The following DLG2 variants were observed in gnomAD, a reference collection of about 807,000 sequenced individuals.
DLG2 encodes discs large MAGUK scaffold protein 2.
A neutral mutation model predicts 132.5 loss-of-function variants in DLG2; 45 were observed. The observed-to-expected ratio is 0.34, with a 90% CI of 0.27 to 0.44. The LOEUF is 0.44. Ranked by LOEUF, DLG2 falls within the 20% of genes least tolerant of loss-of-function variation. The pLI, the probability that DLG2 is intolerant of heterozygous loss-of-function variation, is 1.00. For synonymous variants in DLG2, 424 were observed against 419.6 expected, an observed-to-expected ratio of 1.01 and a Z score of -0.13; for missense variants, 1,045 against 1,196.9, an observed-to-expected ratio of 0.87 and a Z score of 1.87.
At chr11:84,178,220 G>A (rs1047017931) in intron 8 of DLG2, among the ~76,000 whole-genome samples, 3 of 152,104 alleles carry the variant, frequency 2.0e-5, no homozygotes, top group Non-Finnish European at 4.4e-5. Flanking sequence ...CATAGTTTTT[G>A]AAAACAATAG....
At chr11:85,162,205 G>A (rs990942159) in intron 4 of DLG2, among the ~76,000 whole-genome samples, 2 of 152,198 alleles carry the variant, frequency 1.3e-5, no homozygotes, top group Non-Finnish European at 2.9e-5. Context: ...ACAACGGGAA[G>A]TAAGGAAGTG....
intron 3 of DLG2, among the ~76,000 whole-genome samples, chr11:85,458,584 G>A (rs145575879): frequency 6.6e-6 from 1 of 152,330 alleles, no homozygotes; most frequent in Non-Finnish European, 1.5e-5. Flanking sequence ...TGTAGTTTCA[G>A]TACAGTTAGT....
At chr11:85,449,942 A>C (rs2092171530) in intron 3 of DLG2, among the ~76,000 whole-genome samples, 1 of 152,106 alleles carries the variant, frequency 6.6e-6, no homozygotes, top group Non-Finnish European at 1.5e-5. Flanking sequence ...AGCCTGACCA[A>C]CATGGAGAAA....
chr11:84,883,251 T>C (rs771800817), intron 6 of DLG2, among the ~76,000 whole-genome samples: 4 of 150,974 alleles, frequency 2.6e-5, no homozygotes, highest in African/African-American at 7.3e-5. Flanking sequence ...TAAGTGGGAG[T>C]TGAACAATGA....
intron 17 of DLG2, among the ~76,000 whole-genome samples, chr11:83,797,852 A>G (rs930899619): frequency 3.3e-5 from 5 of 152,162 alleles, no homozygotes; most frequent in African/African-American, 1.2e-4. Flanking sequence ...TAGCCTCTCA[A>G]GGATCTGGTG....
chr11:84,872,720 A>G (rs1364036117), intron 6 of DLG2, among the ~76,000 whole-genome samples: 1 of 152,236 alleles, frequency 6.6e-6, no homozygotes, highest in Non-Finnish European at 1.5e-5. Flanking sequence ...CCATAGTCTC[A>G]CATTTTTAAA....
chr11:84,223,846 G>A (rs2096951529), intron 8 of DLG2, among the ~76,000 whole-genome samples: 1 of 152,146 alleles, frequency 6.6e-6, no homozygotes. Flanking sequence ...AGGAGCCAGT[G>A]CATCTGGCAA....
At chr11:85,160,137 T>C (rs964835881) in intron 4 of DLG2, among the ~76,000 whole-genome samples, 1 of 152,196 alleles carries the variant, frequency 6.6e-6, no homozygotes, top group Admixed American at 6.5e-5. Context: ...GGAGGCACAA[T>C]GCCTAGTGGG....
At chr11:84,586,676 T>C (rs918050040) in intron 6 of DLG2, among the ~76,000 whole-genome samples, 1 of 152,112 alleles carries the variant, frequency 6.6e-6, no homozygotes, top group Non-Finnish European at 1.5e-5. Flanking sequence ...ACACTTTTGC[T>C]TTATATTTGT....
intron 6 of DLG2, among the ~76,000 whole-genome samples, chr11:84,927,085 G>GT (rs2093003770): frequency 6.6e-6 from 1 of 151,922 alleles, no homozygotes; most frequent in African/African-American, 2.4e-5. Context: ...TATTTGGCTT[G>GT]TATTTTTAAC....
At chr11:84,994,244 C>G (rs951993673) in intron 6 of DLG2, among the ~76,000 whole-genome samples, 5 of 152,160 alleles carry the variant, frequency 3.3e-5, no homozygotes, top group Admixed American at 6.5e-5. Context: ...CTACTCATCT[C>G]TACTGTTTCC....
At chr11:83,684,463 G>A (rs939924253) in intron 18 of DLG2, 1 of 152,132 alleles carries the variant, frequency 6.6e-6, no homozygotes, top group Non-Finnish European at 1.5e-5. Flanking sequence ...TCCTCTGAGC[G>A]TCTTACTAGA....
At chr11:83,503,684 C>T (rs1410820476) in intron 21 of DLG2, among the ~76,000 whole-genome samples, 1 of 151,934 alleles carries the variant, frequency 6.6e-6, no homozygotes, top group Non-Finnish European at 1.5e-5. Flanking sequence ...TCTAGCCATG[C>T]TGGCAGCTGG....
chr11:84,649,553 T>G (rs1396331958), intron 6 of DLG2, among the ~76,000 whole-genome samples: 1 of 152,224 alleles, frequency 6.6e-6, no homozygotes, highest in Admixed American at 6.5e-5. Context: ...AAGCTACTCA[T>G]AGTGGCTATG....
intron 7 of DLG2, among the ~76,000 whole-genome samples, chr11:84,394,019 G>A (rs1223548845): frequency 1.3e-5 from 2 of 152,094 alleles, no homozygotes; most frequent in Admixed American, 1.3e-4. Context: ...CCGAGTAGCT[G>A]TGATTACAGG....
chr11:84,045,769 A>G (rs187018168), intron 11 of DLG2, among the ~76,000 whole-genome samples: 53 of 151,662 alleles, frequency 3.5e-4, no homozygotes, highest in African/African-American at 1.2e-3. Flanking sequence ...CTACAGCAAA[A>G]TAAAGGGATT....
chr11:84,042,309 T>C (rs539066612), intron 11 of DLG2, among the ~76,000 whole-genome samples: 1 of 151,986 alleles, frequency 6.6e-6, no homozygotes, highest in African/African-American at 2.4e-5. Context: ...ATTTTTATTT[T>C]AGTTATTAAA....
intron 6 of DLG2, among the ~76,000 whole-genome samples, chr11:84,852,871 AT>A (rs1305383205): frequency 2.0e-5 from 3 of 152,014 alleles, no homozygotes; most frequent in Non-Finnish European, 4.4e-5. Flanking sequence ...CCAGAAAAAA[AT>A]AAAATAAAAA....
At chr11:85,552,146 A>T (rs2076702459) in intron 3 of DLG2, among the ~76,000 whole-genome samples, 1 of 151,314 alleles carries the variant, frequency 6.6e-6, no homozygotes, top group South Asian at 2.1e-4. Context: ...CAGTAGCAAG[A>T]ATGTTCATCT....
Sources: gnomAD v4.1 joint callset for allele counts (sites outside exome capture counted in the v4.1 genomes callset) on GRCh38, gnomAD v4.1.1 for gene constraint, MANE v1.5 for transcripts, NCBI Gene and HGNC (gene_info 2026-07-23, HGNC 2026-07-21) for gene names.